The following MLLT3 variants were observed in gnomAD, a reference collection of about 807,000 sequenced individuals.
MLLT3 encodes protein AF-9.
Under a neutral mutation model 53.2 loss-of-function variants are expected in MLLT3, and 4 were observed. That is an observed-to-expected ratio of 0.08 (90% CI 0.04 to 0.17). The LOEUF is 0.17. Among genes scored for constraint, MLLT3 ranks in the 10% least tolerant of loss-of-function variants. The probability of loss-of-function intolerance (pLI) is 1.00; values close to 1 mark genes in which losing one functional copy is unlikely to be tolerated. For synonymous variants in MLLT3, 283 were observed against 230.6 expected, an observed-to-expected ratio of 1.23 and a Z score of -2.06; for missense variants, 569 against 684.0, an observed-to-expected ratio of 0.83 and a Z score of 1.87.
intron 2 of MLLT3, among the ~76,000 whole-genome samples, chr9:20,607,279 T>C (rs1208323458): frequency 6.6e-6 from 1 of 152,150 alleles, no homozygotes; most frequent in East Asian, 1.9e-4. Context: ...TTTTTGCAGT[T>C]AAGACATCTA....
intron 2 of MLLT3, among the ~76,000 whole-genome samples, chr9:20,577,815 G>A (rs1819691883): frequency 1.3e-5 from 2 of 152,214 alleles, no homozygotes; most frequent in South Asian, 2.1e-4. Flanking sequence ...GGGTCTTGAA[G>A]TCTGCTGCTG....
chr9:20,426,691 T>G (rs148601057), intron 4 of MLLT3, among the ~76,000 whole-genome samples: 2 of 152,078 alleles, frequency 1.3e-5, no homozygotes, highest in African/African-American at 4.8e-5. Flanking sequence ...CTCGTCTAAT[T>G]TGGGCAATAT....
intron 2 of MLLT3, among the ~76,000 whole-genome samples, chr9:20,611,840 T>G (rs1220441849): frequency 6.6e-6 from 1 of 152,168 alleles, no homozygotes; most frequent in East Asian, 1.9e-4. Flanking sequence ...CATTACTTCT[T>G]AAAACAACAC....
intron 2 of MLLT3, among the ~76,000 whole-genome samples, chr9:20,541,883 C>G (rs534974110): frequency 1.3e-5 from 2 of 152,312 alleles, no homozygotes; most frequent in South Asian, 4.2e-4. Flanking sequence ...ATTTCCTCCA[C>G]TGAAGTCTTC....
At chr9:20,567,810 G>C (rs1225518035) in intron 2 of MLLT3, among the ~76,000 whole-genome samples, 3 of 152,086 alleles carry the variant, frequency 2.0e-5, no homozygotes, top group Non-Finnish European at 4.4e-5. Flanking sequence ...ACTAACACTT[G>C]GCTTCTAACC....
intron 4 of MLLT3, among the ~76,000 whole-genome samples, chr9:20,416,927 T>C (rs1822886017): frequency 6.6e-6 from 1 of 152,138 alleles, no homozygotes; most frequent in Non-Finnish European, 1.5e-5. Flanking sequence ...GTCTCCATGT[T>C]TGTTCATGTA....
At chr9:20,363,134 C>T (rs1462211376) in intron 7 of MLLT3, 6 of 186,288 alleles carry the variant, frequency 3.2e-5, no homozygotes, top group Admixed American at 3.0e-4. Context: ...TCTTCAAATT[C>T]TGAGACTATC....
At chr9:20,414,796 C>T (rs1822831568) in intron 4 of MLLT3, among the ~76,000 whole-genome samples, 2 of 152,112 alleles carry the variant, frequency 1.3e-5, no homozygotes, top group African/African-American at 4.8e-5. Flanking sequence ...TAGATGTTGA[C>T]AACCAAAAGA....
At chr9:20,355,334 A>G (rs1193804181) in intron 8 of MLLT3, among the ~76,000 whole-genome samples, 1 of 152,180 alleles carries the variant, frequency 6.6e-6, no homozygotes, top group African/African-American at 2.4e-5. Flanking sequence ...CCTTTTTAGT[A>G]CCTAACTTTC....
Position 20,621,934 on chromosome 9 carries a change from T to C in MLLT3, c.12+311A>G. ...GTGTGTGTGTGTGAGTGCGCGCGTG[T>C]GAGCGAGAGGGAGTGTGTGAGTGCG... On this transcript the variant is annotated intron_variant, in intron 1 of 10. Transcript: ENST00000380338. The surrounding 1 kb of genome is among the most constrained non-coding windows in gnomAD (Gnocchi z 7.0). 4.4e-6 allele frequency: 6 copies of C among 1,379,238 alleles called. No individual in the cohort carries two copies. Among genetic ancestry groups the C allele is most frequent in the Non-Finnish European group, 4.7e-6 (5 of 1,072,414 alleles). The allele number at this position is 1,379,238 out of a possible 1,614,324, so 85.4% of individuals were successfully genotyped here. A position where few individuals can be genotyped will look rare whatever the true frequency, so the allele number is the denominator to read the frequency against.
At chr9:20,370,413 C>T (rs1257542787) in intron 5 of MLLT3, among the ~76,000 whole-genome samples, 1 of 152,034 alleles carries the variant, frequency 6.6e-6, no homozygotes. Flanking sequence ...CCTTCTTCTC[C>T]TTGGGTCTCC....
chr9:20,613,617 T>A (rs1178967638), intron 2 of MLLT3, among the ~76,000 whole-genome samples: 1 of 151,658 alleles, frequency 6.6e-6, no homozygotes, highest in African/African-American at 2.4e-5. Flanking sequence ...AAAGCAGCCA[T>A]GGACTACAAA....
intron 4 of MLLT3, among the ~76,000 whole-genome samples, chr9:20,420,590 CT>C (rs1305593957): frequency 1.3e-5 from 2 of 152,142 alleles, no homozygotes; most frequent in Non-Finnish European, 2.9e-5. Context: ...ATCAATATAT[CT>C]TTGTCATAAA....
At chr9:20,586,450 G>C (rs1320282135) in intron 2 of MLLT3, among the ~76,000 whole-genome samples, 1 of 150,478 alleles carries the variant, frequency 6.6e-6, no homozygotes, top group Non-Finnish European at 1.5e-5. Flanking sequence ...AATCCCAAAA[G>C]TGATATCACT....
chr9:20,544,077 A>G (rs936227606), intron 2 of MLLT3, among the ~76,000 whole-genome samples: 6 of 152,236 alleles, frequency 3.9e-5, no homozygotes, highest in Non-Finnish European at 4.4e-5. Context: ...ATGATCTTCA[A>G]CAAGGATGCC....
At chr9:20,365,301 T>C (rs1479699487) in intron 6 of MLLT3, among the ~76,000 whole-genome samples, 1 of 152,134 alleles carries the variant, frequency 6.6e-6, no homozygotes, top group African/African-American at 2.4e-5. Context: ...CAGTATAAGG[T>C]GATAAATCAA....
chr9:20,580,437 T>G (rs1396793170), intron 2 of MLLT3, among the ~76,000 whole-genome samples: 1 of 152,158 alleles, frequency 6.6e-6, no homozygotes, highest in Non-Finnish European at 1.5e-5. Context: ...TCCAACTTCT[T>G]TCAGTCTTGA....
chr9:20,619,594 T>G (rs1195415033), intron 2 of MLLT3, among the ~76,000 whole-genome samples: 1 of 152,266 alleles, frequency 6.6e-6, no homozygotes, highest in African/African-American at 2.4e-5. Context: ...CTAACCATTG[T>G]GTCGACTTAG....
intron 2 of MLLT3, among the ~76,000 whole-genome samples, chr9:20,617,052 A>G (rs1423843129): frequency 1.3e-5 from 2 of 152,186 alleles, no homozygotes; most frequent in African/African-American, 2.4e-5. Flanking sequence ...TATGTGCTTC[A>G]AAATGCACAG....
Sources: allele counts gnomAD v4.1 joint callset (sites outside exome capture counted in the v4.1 genomes callset), GRCh38; gene constraint gnomAD v4.1.1; non-coding constraint Gnocchi (gnomAD v3.1); transcripts MANE v1.5; gene names NCBI Gene and HGNC (gene_info 2026-07-23, HGNC 2026-07-21).